The following PCDH11X variants were observed in gnomAD, a reference collection of about 807,000 sequenced individuals.
PCDH11X encodes protocadherin 11 X-linked, also known as protocadherin-11 X-linked.
A neutral mutation model predicts 53.3 loss-of-function variants in PCDH11X; 18 were observed. That is an observed-to-expected ratio of 0.34 (90% CI 0.23 to 0.50). PCDH11X has a LOEUF of 0.50. Among genes scored for constraint, PCDH11X ranks in the 20% least tolerant of loss-of-function variants. The probability of loss-of-function intolerance (pLI) is 0.98; values close to 1 mark genes in which losing one functional copy is unlikely to be tolerated. For synonymous variants in PCDH11X, 279 were observed against 393.3 expected (o/e 0.71, Z 3.44); for missense variants, 570 against 1,032.4 (o/e 0.55, Z 6.14).
At chrX:92,384,750 C>T (rs1253964870) in intron 8 of PCDH11X, among the ~76,000 whole-genome samples, 1 of 106,433 alleles carries the variant, frequency 9.4e-6, no homozygotes, top group Non-Finnish European at 1.9e-5. Flanking sequence ...GCAGGATCTG[C>T]AAAATATCTC....
intron 10 of PCDH11X, among the ~76,000 whole-genome samples, chrX:92,485,941 C>T (rs900265633): frequency 6.1e-4 from 67 of 110,666 alleles, no homozygotes; most frequent in Non-Finnish European, 7.9e-4. Flanking sequence ...ACTGCCTTTC[C>T]TTGTATTATA....
chrX:92,287,414 A>G (rs143903465), intron 8 of PCDH11X, among the ~76,000 whole-genome samples: 20 of 110,765 alleles, frequency 1.8e-4, no homozygotes, highest in African/African-American at 6.6e-4. Flanking sequence ...CTCAACTCCC[A>G]CTTGTGAGTG....
intron 6 of PCDH11X, chrX:91,879,920 T>G (rs1366254337): frequency 1.8e-4 from 124 of 707,113 alleles, no homozygotes; most frequent in Non-Finnish European, 2.0e-4. Flanking sequence ...GAGAATGAAA[T>G]ATATATGAGG....
At chrX:92,563,298 A>G (rs1291896560) in intron 10 of PCDH11X, among the ~76,000 whole-genome samples, 1 of 108,768 alleles carries the variant, frequency 9.2e-6, no homozygotes, top group Admixed American at 1.0e-4. Context: ...ACACTTTTAA[A>G]TAGCTAGATC....
At position 92,200,883 on chromosome X, in the gene PCDH11X, CTTTATTTTATTTTAT is replaced by C. The variant is rs72033591; in HGVS notation, c.3034-460_3034-446del. On this transcript the variant is annotated intron_variant, in intron 6 of 10. Coordinates refer to ENST00000682573, the MANE Select transcript of PCDH11X (RefSeq NM_032968.5). ...GCCATTTAAATATTTTATTTTTTAT[CTTTATTTTATTTTAT>C]TTTATTTTATTTTATTTTATTTTAT... 1.2e-3 allele frequency among the ~76,000 whole-genome samples: 107 copies of C among 91,847 alleles called. No individual in the cohort carries two copies. The East Asian group carries it at 0.014, about 12-fold the overall frequency. 79.8% of individuals were successfully genotyped at this position (91,847 alleles called of 115,157 possible).
intron 9 of PCDH11X, among the ~76,000 whole-genome samples, chrX:92,448,803 GTGGT>G (rs1265439257): frequency 2.7e-5 from 3 of 111,190 alleles, no homozygotes; most frequent in African/African-American, 6.6e-5. Flanking sequence ...AGTAGTATAT[GTGGT>G]TTCGATAGTT....
chrX:91,888,480 C>T (rs1940335724), intron 6 of PCDH11X, among the ~76,000 whole-genome samples: 1 of 110,369 alleles, frequency 9.1e-6, no homozygotes, highest in South Asian at 3.9e-4. Context: ...TGGTTGAAAC[C>T]CTGTCTCTAT....
intron 9 of PCDH11X, among the ~76,000 whole-genome samples, chrX:92,452,715 T>C (rs1231584022): frequency 1.1e-5 from 1 of 88,799 alleles, no homozygotes; most frequent in African/African-American, 4.5e-5. Flanking sequence ...GCCAGGATGG[T>C]CTCAATCTCC....
At position 92,493,893 on chromosome X, in the gene PCDH11X, C is replaced by T. The variant is rs770464079; in HGVS notation, c.3367+25571C>T. ...AACTCCTGAGCTCAGGCAATCCAACCGCCTCGGCCTCCCGAAGTGCTAGGA... is the reference window on the plus strand; with the variant it reads ...AACTCCTGAGCTCAGGCAATCCAACTGCCTCGGCCTCCCGAAGTGCTAGGA... On this transcript the variant is annotated intron_variant, in intron 10 of 10. Transcript: ENST00000682573. Among the ~76,000 whole-genome samples, 434 of 109,885 alleles carry T rather than the reference C, an allele frequency of 3.9e-3. 1 individual carries two copies. Among genetic ancestry groups the T allele is most frequent in the African/African-American group, 0.013 (395 of 30,252 alleles).
chrX:92,130,574 A>G lies in PCDH11X; in HGVS notation c.3034-70801A>G, dbSNP rs550555733. Among the ~76,000 whole-genome samples the G allele has an allele frequency of 5.6e-5, 6 of 106,699 alleles. No homozygotes were observed. The South Asian group carries it at 2.6e-3, about 46-fold the overall frequency. The allele number at this position is 106,699 out of a possible 115,157, so 92.7% of individuals were successfully genotyped here. ...CTGAGGCAGGAGAATCGCTTGAACC[A>G]GGGAGGCAGAGGTTGTGGTGAGCCG... On this transcript the variant is annotated intron_variant, in intron 6 of 10. Coordinates refer to ENST00000682573, the MANE Select transcript of PCDH11X (RefSeq NM_032968.5).
intron 10 of PCDH11X, among the ~76,000 whole-genome samples, chrX:92,496,987 G>A (rs964895766): frequency 1.8e-5 from 2 of 111,386 alleles, no homozygotes; most frequent in African/African-American, 6.6e-5. Flanking sequence ...AGATATTTGT[G>A]TTAAAGAAAA....
chrX:91,915,610 G>A (rs893304407), intron 6 of PCDH11X, among the ~76,000 whole-genome samples: 1 of 111,238 alleles, frequency 9.0e-6, no homozygotes, highest in African/African-American at 3.3e-5. Flanking sequence ...ATCATATAAT[G>A]ATAAAAGAAA....
At chrX:92,604,049 T>A (rs915480537) in intron 10 of PCDH11X, among the ~76,000 whole-genome samples, 59 of 107,804 alleles carry the variant, frequency 5.5e-4, no homozygotes, top group Non-Finnish European at 1.0e-3. Flanking sequence ...GAAATTCATA[T>A]ACAATAATAA....
At chrX:92,098,840 T>A (rs948964709) in intron 6 of PCDH11X, among the ~76,000 whole-genome samples, 1 of 109,473 alleles carries the variant, frequency 9.1e-6, no homozygotes, top group African/African-American at 3.3e-5. Flanking sequence ...ACAGACAGGG[T>A]TTCTCCATGT....
chrX:92,249,123 AGTTT>A (rs2067409892), intron 7 of PCDH11X, among the ~76,000 whole-genome samples: 1 of 110,738 alleles, frequency 9.0e-6, no homozygotes, highest in African/African-American at 3.3e-5. Context: ...ATATATATAT[AGTTT>A]GTCATACTAT....
chrX:92,572,717 G>A (rs1310443767), intron 10 of PCDH11X, among the ~76,000 whole-genome samples: 1 of 98,322 alleles, frequency 1.0e-5, no homozygotes, highest in Non-Finnish European at 2.1e-5. Flanking sequence ...AACCCTGTAT[G>A]TACTGAAAAT....
chrX:92,611,007 T>G (rs111947543), intron 10 of PCDH11X, among the ~76,000 whole-genome samples: 8,647 of 111,264 alleles, frequency 0.078, 815 homozygotes, highest in African/African-American at 0.26. Context: ...AGCCTTATAG[T>G]ACAGTCTGAA....
intron 6 of PCDH11X, among the ~76,000 whole-genome samples, chrX:92,134,719 G>A (rs766190776): frequency 9.0e-5 from 10 of 111,251 alleles, no homozygotes; most frequent in Non-Finnish European, 1.5e-4. Context: ...TTATTCATGT[G>A]TCCTCTTTTT....
intron 10 of PCDH11X, among the ~76,000 whole-genome samples, chrX:92,561,133 A>C (rs2075125148): frequency 9.6e-6 from 1 of 103,633 alleles, no homozygotes. Context: ...CCACAGTGTT[A>C]GTGGGCTTGA....
Sources: gnomAD v4.1 joint callset for allele counts (sites outside exome capture counted in the v4.1 genomes callset) on GRCh38, gnomAD v4.1.1 for gene constraint, MANE v1.5 for transcripts, NCBI Gene and HGNC (gene_info 2026-07-23, HGNC 2026-07-21) for gene names.